The following SPSB4 variants were observed in gnomAD, a reference collection of about 807,000 sequenced individuals.
SPSB4 encodes SPRY domain-containing SOCS box protein 4.
Under a neutral mutation model 20.9 loss-of-function variants are expected in SPSB4, and 21 were observed. The ratio of observed to expected loss-of-function variants is 1.01; its 90% CI spans 0.71 to 1.45. The LOEUF (loss-of-function observed/expected upper bound fraction) is 1.45, where lower values mean the gene tolerates loss of function less well. Among genes scored for constraint, SPSB4 ranks in the 40% most tolerant of loss-of-function variants. The probability of loss-of-function intolerance (pLI) is 0.00; values close to 1 mark genes in which losing one functional copy is unlikely to be tolerated. For synonymous variants in SPSB4, 207 were observed against 183.8 expected (o/e 1.13, Z -1.02); for missense variants, 399 against 399.2 (o/e 1.00, Z 0.00).
At chr3:141,105,514 C>T (rs767718003) in intron 2 of SPSB4, among the ~76,000 whole-genome samples, 12 of 152,308 alleles carry the variant, frequency 7.9e-5, no homozygotes, top group East Asian at 7.7e-4. Context: ...TATCAAACAC[C>T]TACTATATGC....
rs570422842 is a variant in SPSB4 at position 141,137,450 on chromosome 3, G to A, written c.695-9692G>A. On this transcript the variant is annotated intron_variant, in intron 2 of 2. Coordinates refer to ENST00000310546, the MANE Select transcript of SPSB4 (RefSeq NM_080862.3). ...GAATGCTTCCAGTTTTTGCCCATTC[G>A]GTATGATATTGGCTGTGGGTTTGTC... Among the ~76,000 whole-genome samples the A allele has an allele frequency of 1.5e-3, 225 of 152,156 alleles. 2 individuals are homozygous for A. The East Asian group carries it at 0.017, about 11-fold the overall frequency.
At chr3:141,131,605 T>C (rs974977372) in intron 2 of SPSB4, among the ~76,000 whole-genome samples, 11 of 152,156 alleles carry the variant, frequency 7.2e-5, no homozygotes, top group Non-Finnish European at 1.0e-4. Context: ...AAAATGTACT[T>C]TTTCTCACTC....
intron 1 of SPSB4, among the ~76,000 whole-genome samples, chr3:141,053,948 C>T (rs1936138771): frequency 6.6e-6 from 1 of 152,182 alleles, no homozygotes; most frequent in African/African-American, 2.4e-5. Flanking sequence ...CCCTCCTAGC[C>T]TTCTTCCTTT....
chr3:141,105,827 T>C lies in SPSB4; in HGVS notation c.694+39029T>C, dbSNP rs534625342. On this transcript the variant is annotated intron_variant, in intron 2 of 2. Transcript: ENST00000310546. ...AGTTTTAAATGCTTACTACGTTTTT[T>C]AAAAAAATTTCTTTTCCATCTCCCT... Among the ~76,000 whole-genome samples the C allele has an allele frequency of 3.4e-4, 52 of 152,360 alleles. No homozygotes were observed. The South Asian group carries it at 0.011, about 32-fold the overall frequency.
chr3:141,082,862 T>G (rs1198734129), intron 2 of SPSB4, among the ~76,000 whole-genome samples: 1 of 152,230 alleles, frequency 6.6e-6, no homozygotes, highest in Non-Finnish European at 1.5e-5. Context: ...CTGTCTTCAC[T>G]CTGACCATGA....
At chr3:141,064,256 T>C (rs1239976686) in intron 1 of SPSB4, among the ~76,000 whole-genome samples, 1 of 152,266 alleles carries the variant, frequency 6.6e-6, no homozygotes, top group Admixed American at 6.5e-5. Flanking sequence ...GGGCAGCCTT[T>C]CCTTATAAGC....
intron 2 of SPSB4, among the ~76,000 whole-genome samples, chr3:141,094,126 A>AGCAGCCTTGCTGCCTGG (rs1938508309): frequency 6.6e-6 from 1 of 152,094 alleles, no homozygotes; most frequent in South Asian, 2.1e-4. Context: ...TTGCTGCCTG[A>AGCAGCCTTGCTGCCTGG]GGTCGGCTGG....
At chr3:141,086,311 G>A (rs554629908) in intron 2 of SPSB4, among the ~76,000 whole-genome samples, 35 of 152,316 alleles carry the variant, frequency 2.3e-4, no homozygotes, top group Non-Finnish European at 4.7e-4. Flanking sequence ...GAGACACAGA[G>A]GGTAGCAATT....
At chr3:141,103,987 T>A (rs1938651407) in intron 2 of SPSB4, among the ~76,000 whole-genome samples, 1 of 152,222 alleles carries the variant, frequency 6.6e-6, no homozygotes, top group African/African-American at 2.4e-5. Context: ...GGACCATTGA[T>A]CCGACAAATT....
rs564088890 is a variant in SPSB4, at chr3:141,113,520, G to C, written c.695-33622G>C. On this transcript the variant is annotated intron_variant, in intron 2 of 2. Transcript: ENST00000310546. ...ATGAACTTTGAAAACATTGTGCTAA[G>C]TGAAAGAAACCTGATACAAAAGGTC... is the stretch of plus-strand genomic sequence containing the variant. Among the ~76,000 whole-genome samples, 108 of 152,306 alleles carry C rather than the reference G, an allele frequency of 7.1e-4. 2 individuals carry two copies. In the South Asian group the frequency reaches 0.02, roughly 28 times the overall value.
At chr3:141,080,598 G>C (rs1375608138) in intron 2 of SPSB4, among the ~76,000 whole-genome samples, 1 of 152,234 alleles carries the variant, frequency 6.6e-6, no homozygotes, top group Non-Finnish European at 1.5e-5. Flanking sequence ...GGCAGCACCA[G>C]GGCAGGGCTC....
At chr3:141,130,991 G>A (rs1939121452) in intron 2 of SPSB4, among the ~76,000 whole-genome samples, 2 of 152,176 alleles carry the variant, frequency 1.3e-5, no homozygotes, top group Admixed American at 1.3e-4. Flanking sequence ...TGTCAATTAG[G>A]ATGATGTACT....
chr3:141,143,358 A>T (rs1323134417), intron 2 of SPSB4, among the ~76,000 whole-genome samples: 1 of 152,204 alleles, frequency 6.6e-6, no homozygotes, highest in Admixed American at 6.5e-5. Context: ...GGGCTACCTG[A>T]GAGCTGGACT....
intron 2 of SPSB4, among the ~76,000 whole-genome samples, chr3:141,104,753 C>T (rs947861291): frequency 2.6e-5 from 4 of 152,200 alleles, no homozygotes; most frequent in Admixed American, 1.3e-4. Context: ...CCCCGGTTTA[C>T]GAAACCAGCC....
At chr3:141,139,192 A>G (rs940738434) in intron 2 of SPSB4, among the ~76,000 whole-genome samples, 1 of 151,930 alleles carries the variant, frequency 6.6e-6, no homozygotes, top group Non-Finnish European at 1.5e-5. Flanking sequence ...TGCTTGGTAG[A>G]TCTTCCTCCA....
intron 2 of SPSB4, among the ~76,000 whole-genome samples, chr3:141,099,387 T>C (rs1233313676): frequency 1.3e-5 from 2 of 152,164 alleles, no homozygotes; most frequent in Non-Finnish European, 2.9e-5. Context: ...GACTAAATAA[T>C]ATGTCACCAT....
rs535169263 is a variant in SPSB4, at chr3:141,133,309, C to A, written c.695-13833C>A. On this transcript the variant is annotated intron_variant, in intron 2 of 2. Coordinates refer to ENST00000310546, the MANE Select transcript of SPSB4 (RefSeq NM_080862.3). ...ACTTTTTAGTTTAATTAGGTCCCAT[C>A]TACTTATCTTTGTTTTTATTGCATT... is the stretch of plus-strand genomic sequence containing the variant. Among the ~76,000 whole-genome samples the A allele has an allele frequency of 3.3e-5, 5 of 152,286 alleles. No individual in the cohort carries two copies. In the South Asian group the frequency reaches 1.0e-3, roughly 32 times the overall value.
intron 1 of SPSB4, among the ~76,000 whole-genome samples, chr3:141,056,217 T>C (rs946700130): frequency 6.6e-6 from 1 of 152,218 alleles, no homozygotes; most frequent in African/African-American, 2.4e-5. Context: ...TGAAATGTCA[T>C]GTATGGTGAA....
At chr3:141,134,564 A>G (rs1165351292) in intron 2 of SPSB4, among the ~76,000 whole-genome samples, 3 of 152,086 alleles carry the variant, frequency 2.0e-5, no homozygotes, top group Non-Finnish European at 4.4e-5. Flanking sequence ...TTCTGCATCT[A>G]TTGACATGCT....
Sources: allele counts gnomAD v4.1 joint callset (sites outside exome capture counted in the v4.1 genomes callset), GRCh38; gene constraint gnomAD v4.1.1; transcripts MANE v1.5; gene names NCBI Gene and HGNC (gene_info 2026-07-23, HGNC 2026-07-21).